The following NUGGC variants were observed in gnomAD, a reference collection of about 807,000 sequenced individuals.
The protein encoded by NUGGC is nuclear GTPase SLIP-GC.
A neutral mutation model predicts 92.6 loss-of-function variants in NUGGC; 58 were observed. That is an observed-to-expected ratio of 0.63 (90% CI 0.51 to 0.78). The LOEUF is 0.78. NUGGC is among the 30% of genes least tolerant of loss of function. The pLI is 0.00. For synonymous variants in NUGGC, 376 were observed against 366.4 expected (o/e 1.03, Z -0.30); for missense variants, 925 against 964.6 (o/e 0.96, Z 0.54).
At chr8:28,052,427 A>C (rs1483703202) in intron 10 of NUGGC, among the ~76,000 whole-genome samples, 1 of 152,202 alleles carries the variant, frequency 6.6e-6, no homozygotes, top group Non-Finnish European at 1.5e-5. Flanking sequence ...AAATGTATTA[A>C]GATGAAGTCA....
intron 10 of NUGGC, among the ~76,000 whole-genome samples, chr8:28,048,755 C>T (rs568612389): frequency 1.0e-4 from 15 of 150,460 alleles, no homozygotes; most frequent in Admixed American, 3.3e-4. Context: ...CGCAGCTACT[C>T]GGGAGGCTGA....
chr8:28,055,900 C>A, intron 10 of NUGGC, 65 bp downstream of exon 10: 1 of 871,856 alleles, frequency 1.1e-6, no homozygotes, highest in Non-Finnish European at 1.8e-6. Flanking sequence ...ACCAGGCATA[C>A]ATTTGTCTCC....
chr8:28,064,684 C>A lies in NUGGC; in HGVS notation c.759G>T (p.Arg253Ser), dbSNP rs768954320. ...IKLDPYIRTQ[R>S]RDWDGEAAEM... ...CAGCGGCCTCTCCATCCCAATCTCT[C>A]CTCTGTGTGCGGATGTAGGGGTCCA... The change falls in exon 7 of 19, where the codon AGG becomes AGT. Residue 253 changes from arginine to serine, a missense_variant. Arg to Ser is a moderately radical substitution (Grantham distance 110). Coordinates refer to ENST00000413272, the MANE Select transcript of NUGGC (RefSeq NM_001010906.2). 1 of 1,614,050 alleles carries A rather than the reference C, an allele frequency of 6.2e-7. No individual in the cohort carries two copies. The highest frequency in any genetic ancestry group is 8.5e-7 in the Non-Finnish European group (1 of 1,179,902).
At chr8:28,059,536 C>A (rs1810239138) in intron 8 of NUGGC, among the ~76,000 whole-genome samples, 1 of 152,122 alleles carries the variant, frequency 6.6e-6, no homozygotes, top group Non-Finnish European at 1.5e-5. Context: ...TTAAAAAGTT[C>A]AGGAGTCTCT....
chr8:28,063,286 G>A lies in NUGGC; in HGVS notation c.921+1236C>T, dbSNP rs149433981. ...CTCGCTTCAGCCTGACCTCCTCAGA[G>A]CACATTTTCTGAGCCAGATCTGCCG... On this transcript the variant is annotated intron_variant, in intron 7 of 18. Transcript: ENST00000413272. 4.7e-3 allele frequency among the ~76,000 whole-genome samples: 715 copies of A among 152,302 alleles called. 2 individuals carry two copies. Among genetic ancestry groups the A allele is most frequent in the African/African-American group, 0.017 (693 of 41,560 alleles).
chr8:28,038,794 A>G (rs1466020814), intron 13 of NUGGC, among the ~76,000 whole-genome samples: 1 of 152,116 alleles, frequency 6.6e-6, no homozygotes, highest in Non-Finnish European at 1.5e-5. Context: ...TTGGGTGTCA[A>G]ATTATGAAGT....
chr8:28,082,523 C>T (rs1166156706), intron 1 of NUGGC, among the ~76,000 whole-genome samples: 1 of 152,192 alleles, frequency 6.6e-6, no homozygotes, highest in Non-Finnish European at 1.5e-5. Context: ...AATGACTTGC[C>T]TAAGATCACA....
intron 13 of NUGGC, among the ~76,000 whole-genome samples, chr8:28,034,313 T>C (rs1180532739): frequency 6.6e-6 from 1 of 152,224 alleles, no homozygotes; most frequent in East Asian, 1.9e-4. Flanking sequence ...ATGAGAGACA[T>C]TAATCAATTT....
chr8:28,040,581 A>C (rs1809667761), intron 13 of NUGGC, among the ~76,000 whole-genome samples: 1 of 150,660 alleles, frequency 6.6e-6, no homozygotes, highest in Non-Finnish European at 1.5e-5. Context: ...CAGATGAACA[A>C]CTGTTATGTG....
intron 1 of NUGGC, among the ~76,000 whole-genome samples, chr8:28,077,792 T>C (rs900609462): frequency 5.9e-5 from 9 of 152,068 alleles, no homozygotes; most frequent in African/African-American, 2.2e-4. Flanking sequence ...GAGGAAACAG[T>C]GGAGCCGGAT....
intron 10 of NUGGC, among the ~76,000 whole-genome samples, chr8:28,054,468 C>T (rs144456709): frequency 2.5e-3 from 383 of 150,996 alleles, no homozygotes; most frequent in Non-Finnish European, 3.9e-3. Flanking sequence ...GGCAACGGAG[C>T]GCAACTCTGT....
chr8:28,062,910 A>C (rs765004507), intron 7 of NUGGC, among the ~76,000 whole-genome samples: 10 of 152,198 alleles, frequency 6.6e-5, no homozygotes, highest in Admixed American at 5.9e-4. Flanking sequence ...GAAGATACAA[A>C]AAAGCATTTC....
rs5890399 is a variant in NUGGC at position 28,073,005 on chromosome 8, A to AT, written c.43+1362dup. On this transcript the variant is annotated intron_variant, in intron 2 of 18. Transcript: ENST00000413272. ...TGCGGTTTCATTGTTGACTGTTGAA[A>AT]TTTTTTTTTTTTTTTTGAGACGAGG... 4.5e-3 allele frequency among the ~76,000 whole-genome samples: 630 copies of AT among 140,832 alleles called. 2 individuals are homozygous for AT. The highest frequency in any genetic ancestry group is 0.025 in the Middle Eastern group (7 of 276). 92.4% of individuals were successfully genotyped at this position (140,832 alleles called of 152,430 possible).
At chr8:28,060,704 C>G in intron 7 of NUGGC, 103 bp from the exon 8 acceptor site, 1 of 958,040 alleles carries the variant, frequency 1.0e-6, no homozygotes. Context: ...CCAGTCCCAC[C>G]CCTCACCGCT....
chr8:28,064,871 G>GTAGGACC, intron 6 of NUGGC, 140 bp from the exon 7 acceptor site: 1 of 668,316 alleles, frequency 1.5e-6, no homozygotes, highest in Non-Finnish European at 2.6e-6. Flanking sequence ...AATCAGGTCT[G>GTAGGACC]TAGGACCTAG....
intron 7 of NUGGC, among the ~76,000 whole-genome samples, chr8:28,061,154 G>A (rs1362044069): frequency 1.3e-5 from 2 of 152,202 alleles, no homozygotes; most frequent in Admixed American, 6.5e-5. Context: ...TCCAGAACTA[G>A]GTTTGGTGGT....
chr8:28,026,233 A>G (rs1809255894), intron 18 of NUGGC, among the ~76,000 whole-genome samples: 1 of 152,202 alleles, frequency 6.6e-6, no homozygotes, highest in African/African-American at 2.4e-5. Flanking sequence ...GTTACCCTGA[A>G]TAACCTTGTC....
In NUGGC at chr8:28,041,200, T is replaced by C. The variant is rs1384560929; in HGVS notation, c.1462A>G (p.Met488Val). ...TQNLPNEHLH[M>V]SVLRRFAEEK... ...TCCGCAAATCTCCGCAGGACACTCA[T>C]GTGCAAGTGTTCATTCTAGGGACAA... The change falls in exon 13 of 19, where the codon ATG becomes GTG. Residue 488 changes from methionine (M) to valine (V), a missense_variant. Met to Val is a conservative substitution (Grantham distance 21). Coordinates refer to ENST00000413272, the MANE Select transcript of NUGGC (RefSeq NM_001010906.2). The C allele has an allele frequency of 1.2e-6, 2 of 1,610,706 alleles. No homozygotes were observed.
chr8:28,041,945 T>C (rs1228305527), intron 12 of NUGGC, among the ~76,000 whole-genome samples: 2 of 152,180 alleles, frequency 1.3e-5, no homozygotes, highest in Non-Finnish European at 2.9e-5. Flanking sequence ...GTAGCTCCCA[T>C]AATTCCACGT....
Sources: allele counts gnomAD v4.1 joint callset (sites outside exome capture counted in the v4.1 genomes callset), GRCh38; gene constraint gnomAD v4.1.1; transcripts MANE v1.5; gene names NCBI Gene and HGNC (gene_info 2026-07-23, HGNC 2026-07-21).